NPAS3: variants seen among roughly 807,000 people sequenced by gnomAD.
NPAS3 encodes neuronal PAS domain protein 3, also known as neuronal PAS domain-containing protein 3.
Under a neutral mutation model 73.1 loss-of-function variants are expected in NPAS3, and 14 were observed. The ratio of observed to expected loss-of-function variants is 0.19; its 90% CI spans 0.13 to 0.30. The LOEUF is 0.30. Ranked by LOEUF, NPAS3 falls within the 10% of genes least tolerant of loss-of-function variation. The pLI is 1.00. For synonymous variants in NPAS3, 620 were observed against 541.5 expected (o/e 1.14, Z -2.01); for missense variants, 1,096 against 1,250.0 (o/e 0.88, Z 1.86).
chr14:33,667,763 G>C (rs571897438), intron 5 of NPAS3, among the ~76,000 whole-genome samples: 1 of 152,026 alleles, frequency 6.6e-6, no homozygotes, highest in Non-Finnish European at 1.5e-5. Flanking sequence ...TATTCGGGAG[G>C]GTCAGTGGTT....
At chr14:33,216,475 C>A (rs907436779) in intron 3 of NPAS3, among the ~76,000 whole-genome samples, 1 of 152,002 alleles carries the variant, frequency 6.6e-6, no homozygotes, top group Non-Finnish European at 1.5e-5. Context: ...TATATGTGTC[C>A]GTGAGAGTGT....
intron 7 of NPAS3, among the ~76,000 whole-genome samples, chr14:33,745,325 C>A (rs2061761046): frequency 6.6e-6 from 1 of 152,176 alleles, no homozygotes. Context: ...ACCGTTTGAC[C>A]TTTATTATCT....
At chr14:33,023,502 T>C (rs1162200033) in intron 1 of NPAS3, among the ~76,000 whole-genome samples, 1 of 152,210 alleles carries the variant, frequency 6.6e-6, no homozygotes, top group Non-Finnish European at 1.5e-5. Flanking sequence ...GAAATAGATC[T>C]GTAGGCTGTT....
At chr14:33,423,986 T>G (rs2048454661) in intron 4 of NPAS3, among the ~76,000 whole-genome samples, 1 of 152,004 alleles carries the variant, frequency 6.6e-6, no homozygotes. Context: ...AGCAAAGTGC[T>G]CAACTCTGGT....
At chr14:33,092,210 A>G (rs2042249225) in intron 2 of NPAS3, among the ~76,000 whole-genome samples, 1 of 152,216 alleles carries the variant, frequency 6.6e-6, no homozygotes, top group African/African-American at 2.4e-5. Context: ...ATGACTGTAT[A>G]TTTGGAAAAC....
At chr14:33,616,744 A>G (rs981010737) in intron 5 of NPAS3, among the ~76,000 whole-genome samples, 2 of 152,178 alleles carry the variant, frequency 1.3e-5, no homozygotes, top group Non-Finnish European at 2.9e-5. Context: ...CTGATTTGAC[A>G]ATGACTGGTG....
intron 5 of NPAS3, chr14:33,612,425 T>A (rs1456878770): frequency 6.6e-6 from 3 of 455,884 alleles, no homozygotes; most frequent in Non-Finnish European, 1.3e-5. Flanking sequence ...TGTGTTCACC[T>A]CTCCAGTCAC....
At chr14:33,655,171 A>T (rs2140247468) in intron 5 of NPAS3, among the ~76,000 whole-genome samples, 1 of 152,278 alleles carries the variant, frequency 6.6e-6, no homozygotes, top group Admixed American at 6.5e-5. Flanking sequence ...CAACACAGGG[A>T]GGTAATCTCA....
intron 2 of NPAS3, among the ~76,000 whole-genome samples, chr14:33,094,955 A>G (rs575348536): frequency 2.6e-5 from 4 of 152,294 alleles, no homozygotes; most frequent in Non-Finnish European, 1.5e-5. Context: ...GATTTAATGG[A>G]TATGGTTCTG....
chr14:33,385,453 A>G (rs1031932656), intron 4 of NPAS3, among the ~76,000 whole-genome samples: 19 of 152,338 alleles, frequency 1.2e-4, no homozygotes, highest in Admixed American at 3.3e-4. Flanking sequence ...AGTTAAAACA[A>G]ACAAAACTTT....
intron 1 of NPAS3, among the ~76,000 whole-genome samples, chr14:33,023,391 G>A (rs960724449): frequency 6.6e-6 from 1 of 152,130 alleles, no homozygotes; most frequent in Non-Finnish European, 1.5e-5. Flanking sequence ...ATTGGAAGGT[G>A]TGACCTAATC....
intron 2 of NPAS3, among the ~76,000 whole-genome samples, chr14:33,132,372 G>A (rs1436107432): frequency 6.6e-6 from 1 of 152,138 alleles, no homozygotes; most frequent in African/African-American, 2.4e-5. Context: ...GTATCCAGAT[G>A]ATTTTGGATT....
intron 3 of NPAS3, among the ~76,000 whole-genome samples, chr14:33,269,934 T>C (rs1370520706): frequency 6.6e-6 from 1 of 152,132 alleles, no homozygotes; most frequent in Non-Finnish European, 1.5e-5. Flanking sequence ...TCTTGGGGTC[T>C]GATTCTCTGG....
chr14:33,759,827 G>C (rs2062227842), intron 7 of NPAS3, among the ~76,000 whole-genome samples: 1 of 152,132 alleles, frequency 6.6e-6, no homozygotes, highest in Admixed American at 6.5e-5. Context: ...AGAAATCAAA[G>C]ATCGCAACAT....
chr14:33,415,584 A>G (rs531868755), intron 4 of NPAS3, among the ~76,000 whole-genome samples: 5 of 152,152 alleles, frequency 3.3e-5, no homozygotes, highest in Non-Finnish European at 7.4e-5. Flanking sequence ...GTACCATAGC[A>G]TACTTGAAGA....
intron 2 of NPAS3, among the ~76,000 whole-genome samples, chr14:33,124,784 A>C (rs765113615): frequency 2.4e-4 from 36 of 152,126 alleles, no homozygotes; most frequent in Non-Finnish European, 5.0e-4. Flanking sequence ...AATTGAGTAT[A>C]AAATAAGAAA....
At chr14:33,076,150 C>A (rs78663252) in intron 2 of NPAS3, among the ~76,000 whole-genome samples, 13,086 of 152,114 alleles carry the variant, frequency 0.086, 700 homozygotes, top group Admixed American at 0.11. Context: ...ATTTTTTATG[C>A]TCAAATTTAT....
chr14:33,735,421 TAATG>T, intron 7 of NPAS3, 89 bp downstream of exon 7: 5 of 894,120 alleles, frequency 5.6e-6, no homozygotes, highest in Non-Finnish European at 9.5e-6. Flanking sequence ...TAGGTCCATA[TAATG>T]AATACATGTG....
At chr14:33,008,573 A>G (rs150600711) in intron 1 of NPAS3, among the ~76,000 whole-genome samples, 161 of 152,334 alleles carry the variant, frequency 1.1e-3, no homozygotes, top group Admixed American at 1.7e-3. Context: ...AAAGCTAGAC[A>G]GACATTTACA....
Sources: gnomAD v4.1 joint callset for allele counts (sites outside exome capture counted in the v4.1 genomes callset) on GRCh38, gnomAD v4.1.1 for gene constraint, MANE v1.5 for transcripts, NCBI Gene and HGNC (gene_info 2026-07-23, HGNC 2026-07-21) for gene names.